The following TMEM68 variants were observed in gnomAD, a reference collection of about 807,000 sequenced individuals.
TMEM68 encodes transmembrane protein 68.
Under a neutral mutation model 36.9 loss-of-function variants are expected in TMEM68, and 25 were observed. The observed-to-expected ratio is 0.68, with a 90% confidence interval of 0.49 to 0.95. The LOEUF is 0.95. Ranked by LOEUF, TMEM68 falls within the 40% of genes least tolerant of loss-of-function variation. TMEM68 has a pLI of 0.00. For synonymous variants in TMEM68, 131 were observed against 124.4 expected (o/e 1.05, Z -0.35); for missense variants, 333 against 392.0 (o/e 0.85, Z 1.27).
intron 4 of TMEM68, among the ~76,000 whole-genome samples, chr8:55,752,189 C>T (rs1210702749): frequency 1.3e-5 from 2 of 151,894 alleles, no homozygotes; most frequent in Non-Finnish European, 2.9e-5. Context: ...GCCTGGGCAA[C>T]AGAGCAAGAC....
chr8:55,764,691 T>C (rs370149810), intron 1 of TMEM68, among the ~76,000 whole-genome samples: 2 of 152,332 alleles, frequency 1.3e-5, no homozygotes, highest in South Asian at 2.1e-4. Flanking sequence ...AAATCTGGTC[T>C]GTTATGGTTA....
Position 55,743,564 on chromosome 8 carries a change from C to T in TMEM68, c.805G>A (p.Gly269Ser). ...FRYPFAPMYG[G>S]FPVKLRTYLG... Reference sequence around the variant, plus strand: ...TAGGTCCGTAACTTCACTGGAAAACCTCCATACATTGGAGCAAATGGATAG... The same window carrying T: ...TAGGTCCGTAACTTCACTGGAAAACTTCCATACATTGGAGCAAATGGATAG... The change falls in exon 7 of 8, where the codon GGT becomes AGT. Residue 269 changes from glycine (G) to serine (S), a missense_variant. By Grantham distance (56) the Gly-to-Ser change is moderately conservative (BLOSUM62 0). Transcript: ENST00000434581. 6.5e-7 allele frequency: 1 copy of T among 1,535,920 alleles called. No homozygotes were observed. The highest frequency in any genetic ancestry group is 8.7e-7 in the Non-Finnish European group (1 of 1,146,820).
intron 4 of TMEM68, 148 bp downstream of exon 4, chr8:55,756,096 C>A: frequency 2.1e-6 from 1 of 467,878 alleles, no homozygotes; most frequent in Non-Finnish European, 3.6e-6. Context: ...TTAGATATTC[C>A]CATATTAGAG....
intron 3 of TMEM68, among the ~76,000 whole-genome samples, chr8:55,759,383 C>T (rs1398996605): frequency 6.6e-6 from 1 of 151,778 alleles, no homozygotes; most frequent in Non-Finnish European, 1.5e-5. Context: ...CCAGCCTGGC[C>T]AACATGGTGA....
chr8:55,751,171 G>C lies in TMEM68; in HGVS notation c.494-14C>G. ...ATAAACTAAACCCTGTAAGAAACAT[G>C]AGTATGAAGTTACAACATAAGTATT... is the stretch of plus-strand genomic sequence containing the variant. On this transcript the variant is annotated splice_polypyrimidine_tract_variant and intron_variant, in intron 4 of 7. Coordinates refer to ENST00000434581, the MANE Select transcript of TMEM68 (RefSeq NM_001286657.2). The C allele has an allele frequency of 6.4e-7, 1 of 1,573,202 alleles. No homozygotes were observed. The highest frequency in any genetic ancestry group is 8.6e-7 in the Non-Finnish European group (1 of 1,163,752).
At chr8:55,748,597 G>A (rs940605828) in intron 5 of TMEM68, among the ~76,000 whole-genome samples, 2 of 151,832 alleles carry the variant, frequency 1.3e-5, no homozygotes, top group African/African-American at 4.8e-5. Flanking sequence ...GAGAGAGAGA[G>A]AATATATATG....
rs1317234763 is a variant in TMEM68, at chr8:55,745,319, A to G, written c.688-198T>C. The stretch of plus-strand genomic sequence containing the variant: ...TCTCGTTAGTATTGGCATGGGAGAA[A>G]GAGAAAAGGGGTACAAATTCATTAG... On this transcript the variant is annotated intron_variant, in intron 5 of 7. Transcript: ENST00000434581. The G allele has an allele frequency of 1.8e-5, 6 of 327,228 alleles. No homozygotes were observed. The East Asian group carries it at 2.8e-4, about 16-fold the overall frequency. The allele number at this position is 327,228 out of a possible 1,614,324, so 20.3% of individuals were successfully genotyped here. A position where few individuals can be genotyped will look rare whatever the true frequency, so the allele number is the denominator to read the frequency against.
chr8:55,743,126 T>G (rs1275997979), intron 7 of TMEM68, among the ~76,000 whole-genome samples: 1 of 152,174 alleles, frequency 6.6e-6, no homozygotes, highest in Non-Finnish European at 1.5e-5. Flanking sequence ...ACTGTCTCAG[T>G]GCAAATGACT....
intron 3 of TMEM68, 74 bp from the exon 4 acceptor site, chr8:55,756,485 TCA>T: frequency 7.4e-7 from 1 of 1,343,180 alleles, no homozygotes; most frequent in Non-Finnish European, 1.0e-6. Flanking sequence ...GGTTGGTAGC[TCA>T]GTCTTTTCTC....
rs1810846034 is a variant in TMEM68 at position 55,762,950 on chromosome 8, T to C, written c.10A>G (p.Lys4Glu). The C allele has an allele frequency of 1.3e-6, 2 of 1,574,800 alleles. No homozygotes were observed. The highest frequency in any genetic ancestry group is 4.5e-5 in the East Asian group (2 of 44,324). MID[K>E]NQTCGVGQDS... ...TGTCCTACACCACAGGTTTGATTTT[T>C]GTCTATCATTTTTCTTCAGGTGAAA... The change falls in exon 3 of 8, where the codon AAA becomes GAA. Residue 4 changes from lysine (K) to glutamate (E), a missense_variant. Coordinates refer to ENST00000434581, the MANE Select transcript of TMEM68 (RefSeq NM_001286657.2).
chr8:55,770,238 G>T (rs1811111079), intron 1 of TMEM68, among the ~76,000 whole-genome samples: 2 of 152,136 alleles, frequency 1.3e-5, no homozygotes, highest in African/African-American at 4.8e-5. Context: ...CACTTTCTTT[G>T]ATATATCTCT....
rs1156913545 is a variant in TMEM68, at chr8:55,739,588, CA to C, written c.*543del. 1 of 152,468 alleles carries C rather than the reference CA, an allele frequency of 6.6e-6. No homozygotes were observed. Among genetic ancestry groups the C allele is most frequent in the African/African-American group, 2.4e-5 (1 of 41,392 alleles). The allele number at this position is 152,468 out of a possible 1,614,324, so 9.4% of individuals were successfully genotyped here. ...TTTATTATTTTGGTTCAACAGTTAT[CA>C]ATCACAGTAAATATAAATAACAAAA... On this transcript the variant is annotated 3_prime_UTR_variant, in exon 8 of 8. Transcript: ENST00000434581.
chr8:55,753,309 A>C (rs894503262), intron 4 of TMEM68, among the ~76,000 whole-genome samples: 121 of 152,330 alleles, frequency 7.9e-4, no homozygotes, highest in African/African-American at 2.8e-3. Flanking sequence ...AAACATGGTA[A>C]AAATATTAAT....
At chr8:55,753,319 T>C (rs1810474010) in intron 4 of TMEM68, among the ~76,000 whole-genome samples, 1 of 152,114 alleles carries the variant, frequency 6.6e-6, no homozygotes. Context: ...AAAATATTAA[T>C]GCTAACATTA....
intron 1 of TMEM68, among the ~76,000 whole-genome samples, chr8:55,768,040 T>C (rs1476270111): frequency 1.3e-5 from 2 of 152,068 alleles, no homozygotes; most frequent in African/African-American, 4.8e-5. Flanking sequence ...AGCAGTATCC[T>C]GGAAGTAAGA....
chr8:55,741,932 T>C (rs1380683966), intron 7 of TMEM68, among the ~76,000 whole-genome samples: 4 of 152,190 alleles, frequency 2.6e-5, no homozygotes, highest in Admixed American at 2.6e-4. Flanking sequence ...GGGGCATGCC[T>C]GTAATTCCAG....
In TMEM68 at chr8:55,751,641, AAGTT is replaced by A. The variant is rs111352293; in HGVS notation, c.494-488_494-485del. 935 of 300,240 alleles carry A rather than the reference AAGTT, an allele frequency of 3.1e-3. 4 individuals carry two copies. The highest frequency in any genetic ancestry group is 0.02 in the African/African-American group (861 of 43,410). The allele number at this position is 300,240 out of a possible 1,614,324, so 18.6% of individuals were successfully genotyped here. ...CCATGATCAAATCTATTTAAATTAA[AAGTT>A]AGATAATGCTAATTCTATAATTAAA... On this transcript the variant is annotated intron_variant, in intron 4 of 7. Coordinates refer to ENST00000434581, the MANE Select transcript of TMEM68 (RefSeq NM_001286657.2).
chr8:55,740,107 T>A lies in TMEM68; in HGVS notation c.*25A>T, dbSNP rs755957877. 1 of 1,578,292 alleles carries A rather than the reference T, an allele frequency of 6.3e-7. No individual in the cohort carries two copies. The highest frequency in any genetic ancestry group is 1.1e-5 in the South Asian group (1 of 89,444). Reference sequence around the variant, plus strand: ...AAACATTTAATATAAATGTACTAAATCATCTTCTAGTTGACCCTTTGTTAT... The same window carrying A: ...AAACATTTAATATAAATGTACTAAAACATCTTCTAGTTGACCCTTTGTTAT... On this transcript the variant is annotated 3_prime_UTR_variant, in exon 8 of 8. Transcript: ENST00000434581.
intron 1 of TMEM68, 125 bp downstream of exon 1, chr8:55,773,144 G>A (rs1281708837): frequency 1.3e-5 from 2 of 152,516 alleles, no homozygotes; most frequent in Non-Finnish European, 2.9e-5. Context: ...GCGGCTCCTG[G>A]GAGACCGGAC....
Sources: allele counts gnomAD v4.1 joint callset (sites outside exome capture counted in the v4.1 genomes callset), GRCh38; gene constraint gnomAD v4.1.1; transcripts MANE v1.5; gene names NCBI Gene and HGNC (gene_info 2026-07-23, HGNC 2026-07-21).